ZBTB47: variants seen among roughly 807,000 people sequenced by gnomAD.
ZBTB47 encodes the protein zinc finger and BTB domain containing 47.
A neutral mutation model predicts 56.6 loss-of-function variants in ZBTB47; 24 were observed. The observed-to-expected ratio is 0.42, with a 90% CI of 0.31 to 0.60. ZBTB47 has a LOEUF of 0.60. Ranked by LOEUF, ZBTB47 falls within the 20% of genes least tolerant of loss-of-function variation. ZBTB47 has a pLI of 0.14. For synonymous variants in ZBTB47, 414 were observed against 418.9 expected (o/e 0.99, Z 0.14); for missense variants, 829 against 1,032.6 (o/e 0.80, Z 2.70).
chr3:42,665,027 T>G lies in ZBTB47; in HGVS notation c.*429T>G. The G allele has an allele frequency of 6.3e-6, 1 of 159,744 alleles. No individual in the cohort carries two copies. The highest frequency in any genetic ancestry group is 1.4e-5 in the Non-Finnish European group (1 of 73,496). The allele number at this position is 159,744 out of a possible 1,614,324, so 9.9% of individuals were successfully genotyped here. A position where few individuals can be genotyped will look rare whatever the true frequency, so the allele number is the denominator to read the frequency against. ...GGAGCCTGGGTCAGCCTCAGCAGCC[T>G]ATCCCCATGTCCTCTATGCCCCTAA... On this transcript the variant is annotated 3_prime_UTR_variant, in exon 6 of 6. Transcript: ENST00000232974.
Position 42,659,189 on chromosome 3 carries a change from G to A in ZBTB47, c.834G>A (p.Glu278=), listed in dbSNP as rs920349884. ...REDGLQRHSD[E]EEEDDEEEEE... ...ACGGGCTGCAGAGACACTCGGACGA[G>A]GAGGAGGAGGACGACGAGGAGGAGG... The change falls in exon 2 of 6, where the codon GAG becomes GAA. Residue 278 remains glutamate, a synonymous_variant. Coordinates refer to ENST00000232974, the MANE Select transcript of ZBTB47 (RefSeq NM_145166.4). 1.4e-5 allele frequency: 21 copies of A among 1,500,374 alleles called. No homozygotes were observed. Among genetic ancestry groups the A allele is most frequent in the African/African-American group, 4.2e-5 (3 of 71,812 alleles). The allele number at this position is 1,500,374 out of a possible 1,614,324, so 92.9% of individuals were successfully genotyped here. A position where few individuals can be genotyped will look rare whatever the true frequency, so the allele number is the denominator to read the frequency against.
chr3:42,659,944 C>A, intron 2 of ZBTB47, 116 bp downstream of exon 2: 2 of 1,379,080 alleles, frequency 1.5e-6, no homozygotes, highest in Non-Finnish European at 1.9e-6. Context: ...TCTGCGGAGA[C>A]CAGACTTAGC....
intron 1 of ZBTB47, among the ~76,000 whole-genome samples, chr3:42,655,640 C>A (rs970635414): frequency 6.6e-6 from 1 of 152,342 alleles, no homozygotes; most frequent in Non-Finnish European, 1.5e-5. Flanking sequence ...GCATTGCTTC[C>A]GGGAACCAGC....
rs1710797115 is a variant in ZBTB47, at chr3:42,667,069, G to T, written c.*2471G>T. 2.6e-5 allele frequency among the ~76,000 whole-genome samples: 4 copies of T among 152,266 alleles called. No individual in the cohort carries two copies. Among genetic ancestry groups the T allele is most frequent in the Admixed American group, 2.6e-4 (4 of 15,290 alleles). On this transcript the variant is annotated 3_prime_UTR_variant, in exon 6 of 6. Coordinates refer to ENST00000232974, the MANE Select transcript of ZBTB47 (RefSeq NM_145166.4). Reference sequence around the variant, plus strand: ...ATGGATAGGGGTTCCTGTTTTACTAGCTTTTACATCTTTTTATTTAAAACA... The same window carrying T: ...ATGGATAGGGGTTCCTGTTTTACTATCTTTTACATCTTTTTATTTAAAACA...
chr3:42,663,794 C>G lies in ZBTB47; in HGVS notation c.1738-3C>G. ...GGGCCTCACCCCCAAACCCCACCCC[C>G]AGAACTGCAATGAGCGCTTCCAGTA... On this transcript the variant is annotated splice_region_variant and splice_polypyrimidine_tract_variant and intron_variant, in intron 4 of 5. Coordinates refer to ENST00000232974, the MANE Select transcript of ZBTB47 (RefSeq NM_145166.4). The surrounding 1 kb of genome is among the most constrained non-coding windows in gnomAD (Gnocchi z 5.1). The G allele has an allele frequency of 6.2e-7, 1 of 1,613,338 alleles. No homozygotes were observed. The highest frequency in any genetic ancestry group is 8.5e-7 in the Non-Finnish European group (1 of 1,179,510).
intron 1 of ZBTB47, among the ~76,000 whole-genome samples, chr3:42,655,708 TG>T (rs1028251652): frequency 3.9e-5 from 6 of 152,122 alleles, no homozygotes. Flanking sequence ...GGGCCAGACA[TG>T]GGGGTGGCTG....
chr3:42,659,181 T>C lies in ZBTB47; in HGVS notation c.826T>C (p.Ser276Pro). The change falls in exon 2 of 6, where the codon TCG becomes CCG. Residue 276 changes from serine to proline, a missense_variant. Ser to Pro is a moderately conservative substitution (Grantham distance 74, BLOSUM62 -1). Coordinates refer to ENST00000232974, the MANE Select transcript of ZBTB47 (RefSeq NM_145166.4). ...LGREDGLQRH[S>P]DEEEEDDEEE... Reference sequence around the variant, plus strand: ...CCGGGAGGACGGGCTGCAGAGACACTCGGACGAGGAGGAGGAGGACGACGA... The same window carrying C: ...CCGGGAGGACGGGCTGCAGAGACACCCGGACGAGGAGGAGGAGGACGACGA... 1 of 1,521,720 alleles carries C rather than the reference T, an allele frequency of 6.6e-7. No homozygotes were observed. Among genetic ancestry groups the C allele is most frequent in the Non-Finnish European group, 8.8e-7 (1 of 1,139,840 alleles). 94.3% of individuals were successfully genotyped at this position (1,521,720 alleles called of 1,614,324 possible).
In ZBTB47 at chr3:42,658,643, G is replaced by T; in HGVS notation, c.288G>T (p.Leu96=). The T allele has an allele frequency of 1.3e-6, 2 of 1,536,850 alleles. No homozygotes were observed. ...AGGTGCTCAGCGCCGCCTCATTGCT[G>T]CAGATGGCTGACATCGCTGCGTCCT... is the stretch of plus-strand genomic sequence containing the variant. ...VHEVLSAASL[L]QMADIAASCQ... is the part of the protein sequence containing the mutation. Residue 96 remains leucine (L), a synonymous_variant, in exon 2 of 6, where the codon CTG becomes CTT. Transcript: ENST00000232974.
At chr3:42,655,425 C>T (rs1710630056) in intron 1 of ZBTB47, among the ~76,000 whole-genome samples, 1 of 152,200 alleles carries the variant, frequency 6.6e-6, no homozygotes, top group African/African-American at 2.4e-5. Context: ...GCAAGGTACC[C>T]CTCAGGTGTA....
At position 42,659,574 on chromosome 3, in the gene ZBTB47, C is replaced by A; in HGVS notation, c.1219C>A (p.Pro407Thr). The A allele has an allele frequency of 1.3e-6, 2 of 1,599,252 alleles. No individual in the cohort carries two copies. Among genetic ancestry groups the A allele is most frequent in the Non-Finnish European group, 1.7e-6 (2 of 1,173,000 alleles). The change falls in exon 2 of 6, where the codon CCC (proline) becomes ACC (threonine). Residue 407 changes from proline (P) to threonine (T), a missense_variant. Coordinates refer to ENST00000232974, the MANE Select transcript of ZBTB47 (RefSeq NM_145166.4). ...GRRGGKRPKPPPGVASASARG... is the reference protein window; with the variant it reads ...GRRGGKRPKPTPGVASASARG... ...GCGGGGTGGGAAGAGGCCAAAGCCA[C>A]CCCCTGGAGTGGCCTCTGCATCGGC... is the stretch of plus-strand genomic sequence containing the variant.
rs1319005366 is a variant in ZBTB47 at position 42,658,680 on chromosome 3, C to T, written c.325C>T (p.Leu109=). ...CATCGCTGCGTCCTGCCAAGAGCTGCTGGACGCCCGCTCTCTAGGCCCACC... is the reference window on the plus strand; with the variant it reads ...CATCGCTGCGTCCTGCCAAGAGCTGTTGGACGCCCGCTCTCTAGGCCCACC... The part of the protein sequence containing the change: ...ADIAASCQEL[L]DARSLGPPGP... Residue 109 remains leucine, a synonymous_variant, in exon 2 of 6, where the codon CTG becomes TTG. Transcript: ENST00000232974. 8 of 1,536,254 alleles carry T rather than the reference C, an allele frequency of 5.2e-6. No homozygotes were observed. The highest frequency in any genetic ancestry group is 3.3e-4 in the Middle Eastern group (2 of 6,012).
chr3:42,655,667 G>A (rs1710633289), intron 1 of ZBTB47, among the ~76,000 whole-genome samples: 1 of 152,220 alleles, frequency 6.6e-6, no homozygotes, highest in Non-Finnish European at 1.5e-5. Flanking sequence ...GGCTGTGGAG[G>A]CCAGCACAGC....
Position 42,664,259 on chromosome 3 carries a change from G to A in ZBTB47, c.1905G>A (p.Glu635=). ...CAGGAGAGAAGCCGTACATCTGCGAGATCTGTGGCAAGAGCTTCACCAGCC... is the reference window on the plus strand; with the variant it reads ...CAGGAGAGAAGCCGTACATCTGCGAAATCTGTGGCAAGAGCTTCACCAGCC... ...THTGEKPYIC[E]ICGKSFTSRP... Residue 635 remains glutamate, a synonymous_variant, in exon 6 of 6, where the codon GAG becomes GAA. Coordinates refer to ENST00000232974, the MANE Select transcript of ZBTB47 (RefSeq NM_145166.4). 1 of 1,613,724 alleles carries A rather than the reference G, an allele frequency of 6.2e-7. No homozygotes were observed. Among genetic ancestry groups the A allele is most frequent in the Non-Finnish European group, 8.5e-7 (1 of 1,179,812 alleles).
rs769927995 is a variant in ZBTB47 at position 42,659,253 on chromosome 3, C to T, written c.898C>T (p.Arg300Trp). 18 of 1,520,338 alleles carry T rather than the reference C, an allele frequency of 1.2e-5. No individual in the cohort carries two copies. The highest frequency in any genetic ancestry group is 4.9e-5 in the East Asian group (2 of 40,702). 94.2% of individuals were successfully genotyped at this position (1,520,338 alleles called of 1,614,324 possible). A position where few individuals can be genotyped will look rare whatever the true frequency, so the allele number is the denominator to read the frequency against. ...GGAAGAGGAAGGTGGTGGCAGTGGA[C>T]GGGAGGAGGAGGAGGAGGAAGAGGG... ...EEEEEGGGSG[R>W]EEEEEEEGGS... Residue 300 changes from arginine to tryptophan, a missense_variant, in exon 2 of 6, where the codon CGG (arginine) becomes TGG (tryptophan). Arg to Trp is a moderately radical substitution (Grantham distance 101). This residue lies in a region of ZBTB47 where 359 missense variants were observed against 359.8 expected (regional missense o/e 1.00). Transcript: ENST00000232974.
In ZBTB47 at chr3:42,654,824, C is replaced by T. The variant is rs1710618190; in HGVS notation, c.-82+941C>T. ...TCCCCCCTCCCCCGGTCTCCCGGCTCCATCTGCTGGGTCCCGCGGGCCGGG... is the reference window on the plus strand; with the variant it reads ...TCCCCCCTCCCCCGGTCTCCCGGCTTCATCTGCTGGGTCCCGCGGGCCGGG... On this transcript the variant is annotated intron_variant, in intron 1 of 5. Transcript: ENST00000232974. This position sits in a 1 kb window ranked among gnomAD's most constrained non-coding sequence, Gnocchi z 5.0. 7 of 509,046 alleles carry T rather than the reference C, an allele frequency of 1.4e-5. No individual in the cohort carries two copies. Among genetic ancestry groups the T allele is most frequent in the African/African-American group, 2.1e-5 (1 of 48,104 alleles). The allele number at this position is 509,046 out of a possible 1,614,324, so 31.5% of individuals were successfully genotyped here. A position where few individuals can be genotyped will look rare whatever the true frequency, so the allele number is the denominator to read the frequency against.
At chr3:42,662,126 C>T (rs339720) in intron 3 of ZBTB47, among the ~76,000 whole-genome samples, 48,012 of 152,042 alleles carry the variant, frequency 0.32, 8,776 homozygotes, top group African/African-American at 0.5. Flanking sequence ...AAGGAGGTCC[C>T]CCAATTGTGT....
At position 42,659,403 on chromosome 3, in the gene ZBTB47, G is replaced by T; in HGVS notation, c.1048G>T (p.Gly350Trp). 1 of 1,440,904 alleles carries T rather than the reference G, an allele frequency of 6.9e-7. No individual in the cohort carries two copies. Among genetic ancestry groups the T allele is most frequent in the Non-Finnish European group, 9.1e-7 (1 of 1,102,362 alleles). 89.3% of individuals were successfully genotyped at this position (1,440,904 alleles called of 1,614,324 possible). Reference protein sequence around the residue: ...QDQESSEEEEGEEGEAGGKQG... With the variant: ...QDQESSEEEEWEEGEAGGKQG... ...TCAAGAGAGCTCTGAGGAGGAGGAG[G>T]GGGAGGAGGGGGAGGCTGGGGGCAA... is the stretch of plus-strand genomic sequence containing the variant. Residue 350 changes from glycine to tryptophan, a missense_variant, in exon 2 of 6, where the codon GGG becomes TGG. Gly to Trp is a radical substitution (Grantham distance 184, BLOSUM62 -2). Coordinates refer to ENST00000232974, the MANE Select transcript of ZBTB47 (RefSeq NM_145166.4).
chr3:42,659,148 G>A lies in ZBTB47; in HGVS notation c.793G>A (p.Val265Ile). Residue 265 changes from valine (V) to isoleucine (I), a missense_variant, in exon 2 of 6, where the codon GTT (valine) becomes ATT (isoleucine). Coordinates refer to ENST00000232974, the MANE Select transcript of ZBTB47 (RefSeq NM_145166.4). The stretch of plus-strand genomic sequence containing the variant: ...TGCCGGGCCAAGCCCAGCCACCGTG[G>A]TTCTGGGCCGGGAGGACGGGCTGCA... ...PGAGPSPATV[V>I]LGREDGLQRH... is the part of the protein sequence containing the mutation. The A allele has an allele frequency of 2.0e-6, 3 of 1,512,048 alleles. No individual in the cohort carries two copies. The highest frequency in any genetic ancestry group is 2.5e-5 in the East Asian group (1 of 40,688). 93.7% of individuals were successfully genotyped at this position (1,512,048 alleles called of 1,614,324 possible).
chr3:42,667,279 G>GT lies in ZBTB47; in HGVS notation c.*2682dup, dbSNP rs1422842207. On this transcript the variant is annotated 3_prime_UTR_variant, in exon 6 of 6. Transcript: ENST00000232974. ...GCTAGAACTCAGGCCTGGAGTCTGG[G>GT]TCTGCCCCCTCCCCGGCTCCTTGGG... 1.3e-5 allele frequency among the ~76,000 whole-genome samples: 2 copies of GT among 152,194 alleles called. No individual in the cohort carries two copies. Among genetic ancestry groups the GT allele is most frequent in the Non-Finnish European group, 2.9e-5 (2 of 68,040 alleles).
Sources: gnomAD v4.1 joint callset for allele counts (sites outside exome capture counted in the v4.1 genomes callset) on GRCh38, gnomAD v4.1.1 for gene constraint, gnomAD v4.1.1 regional missense constraint, Gnocchi (gnomAD v3.1) non-coding constraint, MANE v1.5 for transcripts, NCBI Gene and HGNC (gene_info 2026-07-23, HGNC 2026-07-21) for gene names.